The following EPHA3 variants were observed in gnomAD, a reference collection of about 807,000 sequenced individuals.
EPHA3 encodes the protein ephrin type-A receptor 3.
EPHA3 carries 42 observed loss-of-function variants against 107.1 expected under a neutral mutation model. The ratio of observed to expected loss-of-function variants is 0.39; its 90% CI spans 0.31 to 0.51. The LOEUF (loss-of-function observed/expected upper bound fraction) is 0.51, where lower values mean the gene tolerates loss of function less well. Among genes scored for constraint, EPHA3 ranks in the 20% least tolerant of loss-of-function variants. EPHA3 has a pLI of 0.78. For missense variants in EPHA3, 1,183 were observed against 1,211.2 expected, an observed-to-expected ratio of 0.98 and a Z score of 0.35; for synonymous variants, 461 against 424.8, an observed-to-expected ratio of 1.09 and a Z score of -1.05.
intron 5 of EPHA3, among the ~76,000 whole-genome samples, chr3:89,373,157 CAAGTCTTTGCAAGGGCAAAG>C (rs1174549151): frequency 6.6e-6 from 1 of 151,840 alleles, no homozygotes; most frequent in African/African-American, 2.4e-5. Context: ...AAATTAATTT[CAAGTCTTTGCAAGGGCAAAG>C]ACTTACAAAA....
At chr3:89,282,874 G>A (rs1705983137) in intron 3 of EPHA3, among the ~76,000 whole-genome samples, 1 of 152,012 alleles carries the variant, frequency 6.6e-6, no homozygotes, top group Non-Finnish European at 1.5e-5. Context: ...TGATTATTTT[G>A]ATCATGTTAA....
At chr3:89,270,575 C>T (rs1705645388) in intron 3 of EPHA3, among the ~76,000 whole-genome samples, 1 of 152,148 alleles carries the variant, frequency 6.6e-6, no homozygotes, top group East Asian at 1.9e-4. Flanking sequence ...AATGCATGAC[C>T]TCTCTTATTG....
At position 89,227,920 on chromosome 3, in the gene EPHA3, G is replaced by A. The variant is rs115619042; in HGVS notation, c.814+17400G>A. On this transcript the variant is annotated intron_variant, in intron 3 of 16. Coordinates refer to ENST00000336596, the MANE Select transcript of EPHA3 (RefSeq NM_005233.6). ...TTGGCAAATTTCACACTTACTTTCA[G>A]CATTGTAGTTCCTTTCACCAAGGTA... Among the ~76,000 whole-genome samples, 1,254 of 152,012 alleles carry A rather than the reference G, an allele frequency of 8.2e-3. 29 individuals are homozygous for A. Among genetic ancestry groups the A allele is most frequent in the African/African-American group, 0.029 (1,193 of 41,506 alleles).
In EPHA3 at chr3:89,218,406, G is replaced by A. The variant is rs1289070675; in HGVS notation, c.814+7886G>A. Among the ~76,000 whole-genome samples the A allele has an allele frequency of 4.6e-5, 7 of 150,834 alleles. No individual in the cohort carries two copies. In the South Asian group the frequency reaches 6.3e-4, roughly 14 times the overall value. ...ACATGTTTGGTTTTCTTGTCCTTGC[G>A]ATAGTTTGCTGAGAATGATGGTTTC... On this transcript the variant is annotated intron_variant, in intron 3 of 16. Coordinates refer to ENST00000336596, the MANE Select transcript of EPHA3 (RefSeq NM_005233.6).
intron 3 of EPHA3, among the ~76,000 whole-genome samples, chr3:89,307,533 A>G (rs1331076951): frequency 6.6e-6 from 1 of 152,138 alleles, no homozygotes; most frequent in Non-Finnish European, 1.5e-5. Flanking sequence ...CAGAATAGTA[A>G]CAGTGCTAAT....
chr3:89,274,977 T>C (rs1364549902), intron 3 of EPHA3, among the ~76,000 whole-genome samples: 3 of 152,070 alleles, frequency 2.0e-5, no homozygotes, highest in Non-Finnish European at 4.4e-5. Context: ...TTTATAATTC[T>C]AGTGCTGTTA....
intron 13 of EPHA3, among the ~76,000 whole-genome samples, chr3:89,442,311 CAG>C (rs1246787307): frequency 6.6e-6 from 1 of 152,102 alleles, no homozygotes; most frequent in Non-Finnish European, 1.5e-5. Context: ...TAGCCTGTGA[CAG>C]GGGTATAAAA....
At chr3:89,162,155 G>T (rs1180096646) in intron 2 of EPHA3, among the ~76,000 whole-genome samples, 1 of 151,954 alleles carries the variant, frequency 6.6e-6, no homozygotes, top group Admixed American at 6.6e-5. Context: ...AATGCTTGAG[G>T]CTGAAAAGGG....
chr3:89,298,143 G>A (rs1231857925), intron 3 of EPHA3, among the ~76,000 whole-genome samples: 1 of 152,140 alleles, frequency 6.6e-6, no homozygotes, highest in Non-Finnish European at 1.5e-5. Flanking sequence ...TCATGTGCGA[G>A]CACCAAATCC....
intron 2 of EPHA3, among the ~76,000 whole-genome samples, chr3:89,162,672 G>A (rs1371301478): frequency 2.6e-5 from 4 of 152,186 alleles, no homozygotes; most frequent in African/African-American, 4.8e-5. Flanking sequence ...ATGGACAGAA[G>A]GTGAAGTGAA....
At chr3:89,379,872 C>T (rs1289776086) in intron 5 of EPHA3, among the ~76,000 whole-genome samples, 1 of 151,936 alleles carries the variant, frequency 6.6e-6, no homozygotes, top group Non-Finnish European at 1.5e-5. Context: ...ATCTGATTTC[C>T]AAATGTTTGA....
At chr3:89,412,903 G>T (rs565709210) in intron 9 of EPHA3, among the ~76,000 whole-genome samples, 1 of 151,474 alleles carries the variant, frequency 6.6e-6, no homozygotes, top group African/African-American at 2.4e-5. Flanking sequence ...TGATGTTTTT[G>T]CAAAGAAAGC....
At chr3:89,321,522 T>G (rs1707043464) in intron 3 of EPHA3, among the ~76,000 whole-genome samples, 1 of 152,112 alleles carries the variant, frequency 6.6e-6, no homozygotes. Context: ...CTGCTATTCC[T>G]TTAGAAGCAC....
At chr3:89,359,385 A>C (rs1234102579) in intron 5 of EPHA3, among the ~76,000 whole-genome samples, 1 of 150,842 alleles carries the variant, frequency 6.6e-6, no homozygotes, top group Admixed American at 6.7e-5. Flanking sequence ...AAAAACGATT[A>C]AAATGAGTTT....
At chr3:89,129,905 C>T (rs1704170158) in intron 2 of EPHA3, among the ~76,000 whole-genome samples, 1 of 152,004 alleles carries the variant, frequency 6.6e-6, no homozygotes, top group African/African-American at 2.4e-5. Context: ...TTAATTAACT[C>T]TAATAACTGG....
At chr3:89,445,694 T>C (rs1356254370) in intron 13 of EPHA3, among the ~76,000 whole-genome samples, 1 of 152,200 alleles carries the variant, frequency 6.6e-6, no homozygotes, top group African/African-American at 2.4e-5. Flanking sequence ...ACCCTTGATA[T>C]AGTTAAGAGA....
At chr3:89,195,393 C>T (rs1705815788) in intron 2 of EPHA3, among the ~76,000 whole-genome samples, 1 of 152,072 alleles carries the variant, frequency 6.6e-6, no homozygotes, top group Admixed American at 6.6e-5. Flanking sequence ...ATTGAACCCC[C>T]TCCTAAGCTT....
At chr3:89,160,824 C>T (rs1303309997) in intron 2 of EPHA3, among the ~76,000 whole-genome samples, 1 of 152,046 alleles carries the variant, frequency 6.6e-6, no homozygotes. Flanking sequence ...GCTACTGTCT[C>T]AAACCTCAAA....
intron 1 of EPHA3, among the ~76,000 whole-genome samples, chr3:89,111,810 C>T (rs528071275): frequency 6.6e-6 from 1 of 152,154 alleles, no homozygotes; most frequent in African/African-American, 2.4e-5. Context: ...AAGGTTCACT[C>T]GGATACCTCA....
Sources: gnomAD v4.1 joint callset for allele counts (sites outside exome capture counted in the v4.1 genomes callset) on GRCh38, gnomAD v4.1.1 for gene constraint, MANE v1.5 for transcripts, NCBI Gene and HGNC (gene_info 2026-07-23, HGNC 2026-07-21) for gene names.